The following GON4L variants were observed in gnomAD, a reference collection of about 807,000 sequenced individuals.
GON4L encodes gon-4 like.
GON4L carries 87 observed loss-of-function variants against 211.8 expected under a neutral mutation model. The ratio of observed to expected loss-of-function variants is 0.41; its 90% confidence interval spans 0.35 to 0.49. The LOEUF (loss-of-function observed/expected upper bound fraction) is 0.49. Among genes scored for constraint, GON4L ranks in the 20% least tolerant of loss-of-function variants. The pLI, the probability that GON4L is intolerant of heterozygous loss-of-function variation, is 0.15. For missense variants in GON4L, 2,155 were observed against 2,659.5 expected (o/e 0.81, Z 4.17); for synonymous variants, 875 against 962.6 (o/e 0.91, Z 1.68).
At chr1:155,806,072 C>A (rs1288550384) in intron 10 of GON4L, among the ~76,000 whole-genome samples, 1 of 151,032 alleles carries the variant, frequency 6.6e-6, no homozygotes, top group African/African-American at 2.4e-5. Context: ...ACTGCAGCTT[C>A]GAACTCCTGG....
intron 3 of GON4L, among the ~76,000 whole-genome samples, chr1:155,823,535 A>G (rs1239503718): frequency 1.3e-5 from 2 of 152,160 alleles, no homozygotes; most frequent in Non-Finnish European, 2.9e-5. Flanking sequence ...TACTACTTAC[A>G]ACCTACATAG....
rs752075675 is a variant in GON4L at position 155,765,093 on chromosome 1, CTCT to C, written c.4377_4379del (p.Glu1463del). ...TGAGGTCATCAAAGTCCTCTTCTTC[CTCT>C]TCTTCTGGCCCATTCTTCTCTCCTC... On this transcript the variant is annotated inframe_deletion, in exon 21 of 32. Coordinates refer to ENST00000368331, the MANE Select transcript of GON4L (RefSeq NM_001282860.2). The C allele has an allele frequency of 6.2e-7, 1 of 1,614,150 alleles. No individual in the cohort carries two copies. The highest frequency in any genetic ancestry group is 8.5e-7 in the Non-Finnish European group (1 of 1,180,034).
chr1:155,789,824 T>C (rs1042754736), intron 12 of GON4L, among the ~76,000 whole-genome samples: 11 of 152,084 alleles, frequency 7.2e-5, no homozygotes, highest in African/African-American at 2.7e-4. Context: ...AAGTCCCTTA[T>C]ATAAAAATGA....
chr1:155,772,976 A>T, intron 18 of GON4L, 90 bp downstream of exon 18: 2 of 1,513,066 alleles, frequency 1.3e-6, no homozygotes, highest in Non-Finnish European at 1.8e-6. Flanking sequence ...GTCTTATTAT[A>T]CAAGTCTTAC....
chr1:155,790,617 C>T (rs567854935), intron 12 of GON4L, among the ~76,000 whole-genome samples: 1 of 152,070 alleles, frequency 6.6e-6, no homozygotes, highest in South Asian at 2.1e-4. Flanking sequence ...CTGTGAAACC[C>T]GCACATATGA....
Position 155,819,865 on chromosome 1 carries a change from T to A in GON4L, c.1014+741A>T, listed in dbSNP as rs80269609. ...AATGCATATTCCAAGGCCCTGCCCA[T>A]GGGTCCTGATTCTCAGGTCTGGGGT... On this transcript the variant is annotated intron_variant, in intron 6 of 31. Transcript: ENST00000368331. Among the ~76,000 whole-genome samples, 650 of 152,312 alleles carry A rather than the reference T, an allele frequency of 4.3e-3. 9 individuals carry two copies. The highest frequency in any genetic ancestry group is 4.6e-3 in the Non-Finnish European group (316 of 68,026).
chr1:155,831,958 T>C (rs2102344281), intron 2 of GON4L, among the ~76,000 whole-genome samples: 1 of 152,052 alleles, frequency 6.6e-6, no homozygotes, highest in East Asian at 1.9e-4. Flanking sequence ...GGCTGGACAA[T>C]GCAAACCCAG....
intron 3 of GON4L, among the ~76,000 whole-genome samples, chr1:155,823,425 T>C (rs1212524032): frequency 1.3e-5 from 2 of 152,114 alleles, no homozygotes; most frequent in Non-Finnish European, 2.9e-5. Context: ...ACCTAAAAAA[T>C]ATTTCTATGA....
intron 12 of GON4L, among the ~76,000 whole-genome samples, chr1:155,790,092 A>G (rs1231821612): frequency 5.3e-5 from 8 of 151,134 alleles, no homozygotes; most frequent in African/African-American, 9.7e-5. Flanking sequence ...GCACACACCA[A>G]TGCACCCAGA....
chr1:155,746,007 T>G (rs1660244016), downstream of GON4L: 1 of 816,532 alleles, frequency 1.2e-6, no homozygotes, highest in Non-Finnish European at 1.9e-6. Context: ...TTCCCCAGGA[T>G]GCTGCGCTGG....
Position 155,766,292 on chromosome 1 carries a change from T to C in GON4L, c.3181A>G (p.Ser1061Gly). The change falls in exon 21 of 32, where the codon AGT (serine) becomes GGT (glycine). Residue 1061 changes from serine (S) to glycine (G), a missense_variant. Physicochemically the swap from Ser to Gly is moderately conservative, Grantham distance 56 (BLOSUM62 0). This residue lies in a region of GON4L where 615 missense variants were observed against 625.7 expected (regional missense o/e 0.98). Transcript: ENST00000368331. ...GGAGACTCAAAACTCTCACCTCCAC[T>C]GACCCCCAGTGGAGGGACACCTGGA... ...TVPGVPPLGV[S>G]GGESFESPAA... 2 of 1,614,130 alleles carry C rather than the reference T, an allele frequency of 1.2e-6. No homozygotes were observed. Among genetic ancestry groups the C allele is most frequent in the Non-Finnish European group, 1.7e-6 (2 of 1,180,026 alleles).
At chr1:155,835,463 T>TA (rs113957550) in intron 2 of GON4L, among the ~76,000 whole-genome samples, 99 of 139,666 alleles carry the variant, frequency 7.1e-4, no homozygotes, top group Non-Finnish European at 7.7e-4. Flanking sequence ...AATGATCAAT[T>TA]AAAAAAAAAA....
intron 2 of GON4L, among the ~76,000 whole-genome samples, chr1:155,831,132 C>T (rs951826422): frequency 6.6e-6 from 1 of 151,870 alleles, no homozygotes; most frequent in South Asian, 2.1e-4. Context: ...AACGCTATCT[C>T]GACAAAAAAT....
chr1:155,754,170 G>A (rs1660905947), intron 28 of GON4L: 3 of 623,688 alleles, frequency 4.8e-6, no homozygotes, highest in Non-Finnish European at 8.7e-6. Flanking sequence ...AATTCCAAAA[G>A]CTTTACTCAC....
intron 31 of GON4L, among the ~76,000 whole-genome samples, chr1:155,751,517 C>A (rs1426106812): frequency 6.6e-6 from 1 of 152,068 alleles, no homozygotes; most frequent in African/African-American, 2.4e-5. Context: ...CCACTGCACT[C>A]CAGCCTAGGC....
At chr1:155,818,621 GA>G (rs1046727873) in intron 6 of GON4L, among the ~76,000 whole-genome samples, 3 of 152,172 alleles carry the variant, frequency 2.0e-5, no homozygotes, top group Admixed American at 2.0e-4. Flanking sequence ...TACATTAGGA[GA>G]AATATGTAAT....
chr1:155,768,904 C>A (rs1662861091), intron 19 of GON4L, among the ~76,000 whole-genome samples: 1 of 152,194 alleles, frequency 6.6e-6, no homozygotes, highest in Admixed American at 6.5e-5. Flanking sequence ...TATTCTGCTG[C>A]AGAAAAATCT....
chr1:155,818,642 T>C (rs1299383952), intron 6 of GON4L, among the ~76,000 whole-genome samples: 2 of 152,198 alleles, frequency 1.3e-5, no homozygotes, highest in Non-Finnish European at 2.9e-5. Context: ...TCTGGAACAC[T>C]GTGGAGATAA....
At chr1:155,783,384 C>T (rs888950197) in intron 14 of GON4L, among the ~76,000 whole-genome samples, 7 of 152,192 alleles carry the variant, frequency 4.6e-5, no homozygotes, top group Admixed American at 3.9e-4. Flanking sequence ...TGACATCTAG[C>T]CATCCATCTA....
Sources: gnomAD v4.1 joint callset for allele counts (sites outside exome capture counted in the v4.1 genomes callset) on GRCh38, gnomAD v4.1.1 for gene constraint, gnomAD v4.1.1 regional missense constraint, MANE v1.5 for transcripts, NCBI Gene and HGNC (gene_info 2026-07-23, HGNC 2026-07-21) for gene names.